The following GLIS3 variants were observed in gnomAD, a reference collection of about 807,000 sequenced individuals.
The protein encoded by GLIS3 is GLIS family zinc finger 3, also known as zinc finger protein GLIS3.
In GLIS3, 53 loss-of-function variants were observed where a neutral mutation model predicts 78.6. The observed-to-expected ratio is 0.67, with a 90% CI of 0.54 to 0.85. The LOEUF is 0.85. GLIS3 is among the 40% of genes least tolerant of loss of function. GLIS3 has a pLI of 0.00. For missense variants in GLIS3, 1,703 were observed against 1,231.1 expected (o/e 1.38, Z -5.74); for synonymous variants, 684 against 509.9 (o/e 1.34, Z -4.60).
At chr9:4,362,396 A>C in the GLIS3 span, among the ~76,000 whole-genome samples, 4 of 152,228 alleles carry the variant, frequency 2.6e-5, no homozygotes, top group Non-Finnish European at 5.9e-5. Context: ...ATGTAGTAAG[A>C]AAACAGGAAG....
At chr9:4,379,525 A>G in the GLIS3 span, among the ~76,000 whole-genome samples, 1 of 152,226 alleles carries the variant, frequency 6.6e-6, no homozygotes, top group Non-Finnish European at 1.5e-5. Flanking sequence ...AAATGTGGAA[A>G]TGCTTATAAG....
intron 4 of GLIS3, among the ~76,000 whole-genome samples, chr9:4,107,239 T>C (rs1830828940): frequency 6.6e-6 from 1 of 152,192 alleles, no homozygotes; most frequent in South Asian, 2.1e-4. Flanking sequence ...TTCTAGTTCC[T>C]TGTGGCAGAT....
At chr9:4,321,247 C>T (rs548023153) in intron 2 of GLIS3, among the ~76,000 whole-genome samples, 3 of 136,156 alleles carry the variant, frequency 2.2e-5, no homozygotes, top group South Asian at 2.3e-4. Flanking sequence ...GGTGAAACCC[C>T]GTCTCTACTA....
intron 4 of GLIS3, among the ~76,000 whole-genome samples, chr9:4,095,202 C>A (rs1221373998): frequency 2.6e-5 from 4 of 152,162 alleles, no homozygotes; most frequent in African/African-American, 9.7e-5. Context: ...CCCTTCCCAG[C>A]CTCTAGTATT....
intron 8 of GLIS3, among the ~76,000 whole-genome samples, chr9:3,876,115 A>G (rs1160361326): frequency 1.3e-5 from 2 of 152,200 alleles, no homozygotes; most frequent in Non-Finnish European, 2.9e-5. Flanking sequence ...AAGAAACACC[A>G]CATCATCTAT....
chr9:3,957,873 T>C (rs1430059817), intron 4 of GLIS3, among the ~76,000 whole-genome samples: 1 of 152,216 alleles, frequency 6.6e-6, no homozygotes, highest in Admixed American at 6.5e-5. Flanking sequence ...ATGCTCTGCC[T>C]GAAATGCCCA....
the GLIS3 span, among the ~76,000 whole-genome samples, chr9:4,397,463 A>T: frequency 6.6e-6 from 1 of 151,820 alleles, no homozygotes; most frequent in Admixed American, 6.5e-5. Flanking sequence ...AATACTCAAC[A>T]ATAGTAGGTG....
intron 4 of GLIS3, among the ~76,000 whole-genome samples, chr9:3,975,843 A>G (rs1818742089): frequency 6.6e-6 from 1 of 152,138 alleles, no homozygotes; most frequent in Non-Finnish European, 1.5e-5. Context: ...CACAGCCCTC[A>G]TTAAAAAATT....
At chr9:4,469,813 C>T in the GLIS3 span, among the ~76,000 whole-genome samples, 1 of 152,016 alleles carries the variant, frequency 6.6e-6, no homozygotes, top group Admixed American at 6.5e-5. Context: ...GATAGAGACA[C>T]AAAATCCCTT....
chr9:4,207,548 A>C (rs1490784939), intron 2 of GLIS3, among the ~76,000 whole-genome samples: 2 of 152,248 alleles, frequency 1.3e-5, no homozygotes, highest in Admixed American at 6.5e-5. Context: ...AATAACAGCT[A>C]AACAAATAGC....
chr9:4,292,728 T>C (rs1246940557), intron 1 of GLIS3, among the ~76,000 whole-genome samples: 1 of 152,196 alleles, frequency 6.6e-6, no homozygotes, highest in Non-Finnish European at 1.5e-5. Flanking sequence ...ACCGAAAATT[T>C]TGGATCTTTT....
At chr9:4,283,189 C>A (rs1481223809) in intron 2 of GLIS3, among the ~76,000 whole-genome samples, 2 of 152,104 alleles carry the variant, frequency 1.3e-5, no homozygotes, top group Non-Finnish European at 2.9e-5. Context: ...ATAGCACAGG[C>A]CAGGAACCCT....
intron 2 of GLIS3, among the ~76,000 whole-genome samples, chr9:4,273,333 G>A (rs1237470454): frequency 1.3e-5 from 2 of 152,172 alleles, no homozygotes; most frequent in South Asian, 2.1e-4. Context: ...GGTGGCTCAT[G>A]TCTGTAATTC....
intron 2 of GLIS3, among the ~76,000 whole-genome samples, chr9:4,323,986 A>T (rs773219126): frequency 1.6e-4 from 24 of 152,200 alleles, no homozygotes; most frequent in Non-Finnish European, 2.4e-4. Context: ...AGTTTCAAAA[A>T]TTTTGATATT....
At chr9:3,906,662 G>T (rs942023224) in intron 6 of GLIS3, among the ~76,000 whole-genome samples, 1 of 152,142 alleles carries the variant, frequency 6.6e-6, no homozygotes, top group Non-Finnish European at 1.5e-5. Flanking sequence ...ACTCCTTGCT[G>T]CATTTCTGCC....
chr9:4,104,742 C>T (rs892195760), intron 4 of GLIS3, among the ~76,000 whole-genome samples: 1 of 152,176 alleles, frequency 6.6e-6, no homozygotes, highest in Non-Finnish European at 1.5e-5. Context: ...GAGGCCTTTG[C>T]ACTTGCTATT....
At chr9:4,043,871 CA>C (rs1242236891) in intron 4 of GLIS3, among the ~76,000 whole-genome samples, 4 of 152,286 alleles carry the variant, frequency 2.6e-5, no homozygotes, top group Admixed American at 2.6e-4. Context: ...CTGGAGAACA[CA>C]ATGCAAGTCT....
chr9:4,223,665 T>C (rs759133466), intron 2 of GLIS3, among the ~76,000 whole-genome samples: 5 of 152,224 alleles, frequency 3.3e-5, no homozygotes, highest in Non-Finnish European at 5.9e-5. Flanking sequence ...ACAAGTTTGC[T>C]AGAAAAGCTA....
At chr9:4,343,749 A>G (rs543446090) in intron 2 of GLIS3, among the ~76,000 whole-genome samples, 1 of 152,280 alleles carries the variant, frequency 6.6e-6, no homozygotes, top group South Asian at 2.1e-4. Flanking sequence ...AAACAATGAG[A>G]TCTTGTCCTT....
Sources: allele counts gnomAD v4.1 joint callset (sites outside exome capture counted in the v4.1 genomes callset), GRCh38; gene constraint gnomAD v4.1.1; transcripts MANE v1.5; gene names NCBI Gene and HGNC (gene_info 2026-07-23, HGNC 2026-07-21).